The following P2RX5 variants were observed in gnomAD, a reference collection of about 807,000 sequenced individuals.
P2RX5 encodes purinergic receptor P2X 5.
A neutral mutation model predicts 54.1 loss-of-function variants in P2RX5; 46 were observed. The observed-to-expected ratio is 0.85, with a 90% confidence interval of 0.67 to 1.09. P2RX5 has a LOEUF of 1.09. Ranked by LOEUF, P2RX5 falls within the 50% of genes least tolerant of loss-of-function variation. The probability of loss-of-function intolerance (pLI) is 0.00; values close to 1 mark genes in which losing one functional copy is unlikely to be tolerated. For synonymous variants in P2RX5, 226 were observed against 226.4 expected, an observed-to-expected ratio of 1.00 and a Z score of 0.02; for missense variants, 566 against 549.8, an observed-to-expected ratio of 1.03 and a Z score of -0.29.
At chr17:3,677,014 A>G (rs1597692575) in intron 11 of P2RX5, 1 of 878,026 alleles carries the variant, frequency 1.1e-6, no homozygotes, top group African/African-American at 1.8e-5. Flanking sequence ...GTAAGCCAAG[A>G]TCACGCCACT....
chr17:3,681,624 C>A (rs894496617), intron 10 of P2RX5, among the ~76,000 whole-genome samples: 2 of 152,346 alleles, frequency 1.3e-5, no homozygotes, highest in African/African-American at 2.4e-5. Context: ...ATAGAGAAAC[C>A]GAGGCCCGGG....
Position 3,688,666 on chromosome 17 carries a change from T to C in P2RX5, c.847A>G (p.Asn283Asp). The C allele has an allele frequency of 6.2e-7, 1 of 1,614,106 alleles. No homozygotes were observed. Among genetic ancestry groups the C allele is most frequent in the Non-Finnish European group, 8.5e-7 (1 of 1,180,006 alleles). The stretch of plus-strand genomic sequence containing the variant: ...GAGGAGACAGACTTTGAAAGTTTAT[T>C]GTCCAGACGGCTAAAAGAATAGTGA... ...HPHYSFSRLD[N>D]KLSKSVSSGY... The change falls in exon 8 of 12, where the codon AAT (asparagine) becomes GAT (aspartate). Residue 283 changes from asparagine to aspartate, a missense_variant. Transcript: ENST00000225328.
At chr17:3,705,752 G>A in the P2RX5 span, among the ~76,000 whole-genome samples, 2 of 152,124 alleles carry the variant, frequency 1.3e-5, no homozygotes. Flanking sequence ...GTCTGGGGTA[G>A]AGTGACTAAG....
rs368287646 is a variant in P2RX5, at chr17:3,695,658, G to A, written c.137+211C>T. ...CTGCCCACCTCTCATCACCTCTAGC[G>A]CCAGTGGGGGAGTGGAGAGCCCCCT... On this transcript the variant is annotated intron_variant, in intron 1 of 11. Coordinates refer to ENST00000225328, the MANE Select transcript of P2RX5 (RefSeq NM_002561.4). Among the ~76,000 whole-genome samples, 25 of 152,174 alleles carry A rather than the reference G, an allele frequency of 1.6e-4. No individual in the cohort carries two copies. The East Asian group carries it at 4.4e-3, about 27-fold the overall frequency.
chr17:3,678,611 C>G (rs1162116286), intron 11 of P2RX5, among the ~76,000 whole-genome samples: 2 of 152,228 alleles, frequency 1.3e-5, no homozygotes, highest in African/African-American at 2.4e-5. Flanking sequence ...TCACTCTTCT[C>G]CAGCCCAGTC....
At position 3,685,786 on chromosome 17, in the gene P2RX5, G is replaced by T. The variant is rs1331122183; in HGVS notation, c.981+2226C>A. Among the ~76,000 whole-genome samples the T allele has an allele frequency of 5.5e-3, 53 of 9,712 alleles. 1 individual carries two copies. The highest frequency in any genetic ancestry group is 8.9e-3 in the Admixed American group (6 of 674). The allele number at this position is 9,712 out of a possible 152,430, so 6.4% of individuals were successfully genotyped here. A position where few individuals can be genotyped will look rare whatever the true frequency, so the allele number is the denominator to read the frequency against. On this transcript the variant is annotated intron_variant, in intron 9 of 11. Coordinates refer to ENST00000225328, the MANE Select transcript of P2RX5 (RefSeq NM_002561.4). Reference sequence around the variant, plus strand: ...ACCCTCCCAACGTCCCCCGCCCCCCGCCCAGCCTGAGAACAGGAGAACACA... The same window carrying T: ...ACCCTCCCAACGTCCCCCGCCCCCCTCCCAGCCTGAGAACAGGAGAACACA...
At chr17:3,680,144 TGAGTCCTCCATCCG>T (rs2050210456) in intron 10 of P2RX5, among the ~76,000 whole-genome samples, 1 of 111,848 alleles carries the variant, frequency 8.9e-6, no homozygotes, top group Admixed American at 9.0e-5. Context: ...TCCTCCACCC[TGAGTCCTCCATCCG>T]GTGTCCTCCA....
the P2RX5 span, among the ~76,000 whole-genome samples, chr17:3,716,147 G>C: frequency 6.6e-6 from 1 of 150,554 alleles, no homozygotes; most frequent in African/African-American, 2.5e-5. Context: ...CTCAAGCCTG[G>C]GCGAAAGAGC....
At chr17:3,678,374 G>A (rs1272098673) in intron 11 of P2RX5, among the ~76,000 whole-genome samples, 1 of 152,250 alleles carries the variant, frequency 6.6e-6, no homozygotes, top group Non-Finnish European at 1.5e-5. Context: ...GCTGGAGCGT[G>A]GGCCTGTGAG....
chr17:3,683,732 A>G (rs1278069951), intron 9 of P2RX5, among the ~76,000 whole-genome samples: 1 of 108,738 alleles, frequency 9.2e-6, no homozygotes, highest in African/African-American at 2.6e-5. Flanking sequence ...TCCGTCTCAA[A>G]AAAAAAAAAA....
intron 1 of P2RX5, chr17:3,692,057 C>A: frequency 2.0e-6 from 1 of 502,468 alleles, no homozygotes; most frequent in Non-Finnish European, 3.6e-6. Context: ...CGCAGTGGCT[C>A]ACGCCTATAA....
In P2RX5 at chr17:3,696,048, C is replaced by A; in HGVS notation, c.-43G>T. On this transcript the variant is annotated 5_prime_UTR_variant, in exon 1 of 12. Coordinates refer to ENST00000225328, the MANE Select transcript of P2RX5 (RefSeq NM_002561.4). ...GCTTGCGGACCGCCCGGCCCACGTG[C>A]GCTCATGGGGAGCACTCGGTCCCTC... 6.2e-7 allele frequency: 1 copy of A among 1,609,416 alleles called. No homozygotes were observed. Among genetic ancestry groups the A allele is most frequent in the Non-Finnish European group, 8.5e-7 (1 of 1,177,638 alleles).
upstream of P2RX5, among the ~76,000 whole-genome samples, chr17:3,700,806 G>T (rs568990085): frequency 6.6e-6 from 1 of 152,256 alleles, no homozygotes; most frequent in African/African-American, 2.4e-5. Flanking sequence ...TTGTTTAAAA[G>T]AACCTGGTAC....
At chr17:3,690,845 C>A in intron 3 of P2RX5, 111 bp downstream of exon 3, 1 of 1,153,574 alleles carries the variant, frequency 8.7e-7, no homozygotes, top group Non-Finnish European at 1.3e-6. Flanking sequence ...GTGCACACAG[C>A]CACCCGAGAC....
chr17:3,681,409 G>A (rs113226392), intron 10 of P2RX5, among the ~76,000 whole-genome samples: 65 of 147,488 alleles, frequency 4.4e-4, no homozygotes, highest in African/African-American at 1.6e-3. Context: ...GTGCTCTGCC[G>A]CTGTGAACAC....
intron 9 of P2RX5, among the ~76,000 whole-genome samples, chr17:3,683,648 T>C (rs1409739394): frequency 6.7e-6 from 1 of 150,224 alleles, no homozygotes; most frequent in Admixed American, 6.7e-5. Context: ...AAGAATTGCT[T>C]GAGCCTGGGA....
upstream of P2RX5, chr17:3,696,320 C>G (rs1051006929): frequency 4.9e-6 from 1 of 203,990 alleles, no homozygotes; most frequent in South Asian, 1.7e-4. Flanking sequence ...GCAACCTACT[C>G]CCCAGCCACC....
At chr17:3,701,794 C>G in the P2RX5 span, among the ~76,000 whole-genome samples, 4 of 124,142 alleles carry the variant, frequency 3.2e-5, no homozygotes, top group Non-Finnish European at 4.8e-5. Context: ...CTTGCTCTGT[C>G]TCCGAGGCTG....
chr17:3,713,495 A>G, the P2RX5 span, among the ~76,000 whole-genome samples: 1 of 152,186 alleles, frequency 6.6e-6, no homozygotes. Context: ...TCATGCCTGT[A>G]ATCCCAGCAC....
Sources: allele counts gnomAD v4.1 joint callset (sites outside exome capture counted in the v4.1 genomes callset), GRCh38; gene constraint gnomAD v4.1.1; transcripts MANE v1.5; gene names NCBI Gene and HGNC (gene_info 2026-07-23, HGNC 2026-07-21).